The following GRHL3 variants were observed in gnomAD, a reference collection of about 807,000 sequenced individuals.
GRHL3 encodes the protein grainyhead-like protein 3 homolog.
Under a neutral mutation model 70.3 loss-of-function variants are expected in GRHL3, and 20 were observed. The ratio of observed to expected loss-of-function variants is 0.28; its 90% CI spans 0.20 to 0.41. The LOEUF (loss-of-function observed/expected upper bound fraction) is 0.41. GRHL3 is among the 10% of genes least tolerant of loss of function. GRHL3 has a pLI of 1.00. For synonymous variants in GRHL3, 299 were observed against 299.9 expected (o/e 1.00, Z 0.03); for missense variants, 637 against 762.3 (o/e 0.84, Z 1.94).
rs535901162 is a variant in GRHL3, at chr1:24,364,225, C to T, written c.1735C>T (p.Pro579Ser). 4.3e-5 allele frequency: 66 copies of T among 1,544,672 alleles called. No individual in the cohort carries two copies. The Middle Eastern group carries it at 1.0e-3, about 23-fold the overall frequency. The change falls in exon 16 of 16, where the codon CCA becomes TCA. Residue 579 changes from proline (P) to serine (S), a missense_variant. Coordinates refer to the GRHL3 transcript ENST00000350501. ...CCACCCACGCCTGTCTCGCCACCCCCCACCTGACTGTCTTGAATGTTCCCA... is the reference window on the plus strand; with the variant it reads ...CCACCCACGCCTGTCTCGCCACCCCTCACCTGACTGTCTTGAATGTTCCCA...
Position 24,322,970 on chromosome 1 carries a change from A to T in GRHL3, c.17+3402A>T. Reference sequence around the variant, plus strand: ...GGTCTCACGGAAGCACTGGGATCTTAACCGGGTCTTAGCCGAGCAGCCATA... The same window carrying T: ...GGTCTCACGGAAGCACTGGGATCTTTACCGGGTCTTAGCCGAGCAGCCATA... On this transcript the variant is annotated intron_variant, in intron 1 of 15. Coordinates refer to ENST00000361548, the MANE Select transcript of GRHL3 (RefSeq NM_198173.3). This position sits in a 1 kb window ranked among gnomAD's most constrained non-coding sequence, Gnocchi z 4.4. 1.1e-6 allele frequency: 1 copy of T among 916,994 alleles called. No homozygotes were observed. Among genetic ancestry groups the T allele is most frequent in the Non-Finnish European group, 1.7e-6 (1 of 588,964 alleles). The allele number at this position is 916,994 out of a possible 1,614,324, so 56.8% of individuals were successfully genotyped here.
At position 24,354,455 on chromosome 1, in the gene GRHL3, C is replaced by A. The variant is rs369481155; in HGVS notation, c.1776C>A (p.Asp592Glu). The A allele has an allele frequency of 6.2e-7, 1 of 1,613,574 alleles. No individual in the cohort carries two copies. Among genetic ancestry groups the A allele is most frequent in the Admixed American group, 1.7e-5 (1 of 60,022 alleles). The change falls in exon 16 of 16, where the codon GAC becomes GAA. Residue 592 changes from aspartate (D) to glutamate (E), a missense_variant. This residue lies in a region of GRHL3 where 387 missense variants were observed against 513.8 expected (regional missense o/e 0.75). Coordinates refer to ENST00000361548, the MANE Select transcript of GRHL3 (RefSeq NM_198173.3). ...TCCTGCTGGACATGGGGGAGCTGGA[C>A]GGCAAAATTCAGATCATCCTTAAGG... ...VAFLLDMGEL[D>E]GKIQIILKEL
intron 3 of GRHL3, among the ~76,000 whole-genome samples, chr1:24,336,069 T>C (rs924412830): frequency 2.0e-5 from 3 of 152,198 alleles, no homozygotes; most frequent in Admixed American, 2.0e-4. Flanking sequence ...CATGTGTTAA[T>C]TGTACTCAGA....
Position 24,321,646 on chromosome 1 carries a change from C to T in GRHL3, c.17+2078C>T, listed in dbSNP as rs977383344. 2 of 152,342 alleles carry T rather than the reference C, an allele frequency of 1.3e-5. No homozygotes were observed. Among genetic ancestry groups the T allele is most frequent in the Non-Finnish European group, 2.9e-5 (2 of 68,140 alleles). 9.4% of individuals were successfully genotyped at this position (152,342 alleles called of 1,614,324 possible). ...TGTCCTCCCTGACCCTCAGTCTGCT[C>T]ATCTGTCTGTAACACCTACCTGGCA... On this transcript the variant is annotated intron_variant, in intron 1 of 15. Coordinates refer to ENST00000361548, the MANE Select transcript of GRHL3 (RefSeq NM_198173.3). The surrounding 1 kb of genome is among the most constrained non-coding windows in gnomAD (Gnocchi z 4.0).
intron 1 of GRHL3, among the ~76,000 whole-genome samples, chr1:24,330,896 C>G (rs187489928): frequency 6.6e-6 from 1 of 152,222 alleles, no homozygotes; most frequent in Non-Finnish European, 1.5e-5. Context: ...AATGCCATTT[C>G]CCAGACCAGG....
rs751237045 is a variant in GRHL3 at position 24,339,788 on chromosome 1, A to G, written c.1047+26A>G. 2.0e-6 allele frequency: 3 copies of G among 1,520,360 alleles called. No individual in the cohort carries two copies. The African/African-American group carries it at 4.1e-5, about 21-fold the overall frequency. The allele number at this position is 1,520,360 out of a possible 1,614,324, so 94.2% of individuals were successfully genotyped here. A position where few individuals can be genotyped will look rare whatever the true frequency, so the allele number is the denominator to read the frequency against. On this transcript the variant is annotated intron_variant, in intron 8 of 15. Transcript: ENST00000361548. ...GTCAGTGCTGAGGGCAGTGGCTGGG[A>G]TGGGACTGGGCTGCCTGGAAGTCCC...
In GRHL3 at chr1:24,334,758, G is replaced by C. The variant is rs781478439; in HGVS notation, c.266+52G>C. On this transcript the variant is annotated intron_variant, in intron 3 of 15. Coordinates refer to ENST00000361548, the MANE Select transcript of GRHL3 (RefSeq NM_198173.3). The surrounding 1 kb of genome is among the most constrained non-coding windows in gnomAD (Gnocchi z 4.3). ...CTTTGCCCTTCCCCACCTCCACCTG[G>C]AGCCTCTTCCACACAGGTTTGACTT... is the stretch of plus-strand genomic sequence containing the variant. 15 of 1,468,178 alleles carry C rather than the reference G, an allele frequency of 1.0e-5. No individual in the cohort carries two copies. In the East Asian group the frequency reaches 3.2e-4, roughly 32 times the overall value. The allele number at this position is 1,468,178 out of a possible 1,614,324, so 90.9% of individuals were successfully genotyped here. A position where few individuals can be genotyped will look rare whatever the true frequency, so the allele number is the denominator to read the frequency against.
chr1:24,350,023 C>T (rs749289651), intron 14 of GRHL3, 35 bp from the exon 15 acceptor site: 3 of 1,510,512 alleles, frequency 2.0e-6, no homozygotes, highest in Admixed American at 1.7e-5. Context: ...CTAGCGTGGG[C>T]AGCAGGCAAT....
rs1181332548 is a variant in GRHL3, at chr1:24,354,503, C to T, written c.*15C>T. ...AGGAGCTGTAAGGCCTCTCGAGCAT[C>T]CAAACCCTCACGACCTGCAAGGGGC... On this transcript the variant is annotated 3_prime_UTR_variant, in exon 16 of 16. Transcript: ENST00000361548. 4 of 1,550,026 alleles carry T rather than the reference C, an allele frequency of 2.6e-6. No individual in the cohort carries two copies. The highest frequency in any genetic ancestry group is 3.3e-5 in the Admixed American group (2 of 59,836).
chr1:24,331,126 C>T (rs1182709464), intron 1 of GRHL3, among the ~76,000 whole-genome samples: 1 of 152,224 alleles, frequency 6.6e-6, no homozygotes, highest in Non-Finnish European at 1.5e-5. Context: ...TAAGTACGCA[C>T]TATGAAAGTA....
rs1479703029 is a variant in GRHL3, at chr1:24,342,033, G to A, written c.1048-82G>A. On this transcript the variant is annotated intron_variant, in intron 8 of 15. Coordinates refer to ENST00000361548, the MANE Select transcript of GRHL3 (RefSeq NM_198173.3). This position sits in a 1 kb window ranked among gnomAD's most constrained non-coding sequence, Gnocchi z 4.8. ...AGGGTGAGCAGCAGGCACACAGAAA[G>A]CTAGAAATACAGGATCACTGTGGGA... is the stretch of plus-strand genomic sequence containing the variant. 7.5e-7 allele frequency: 1 copy of A among 1,339,740 alleles called. No individual in the cohort carries two copies. The highest frequency in any genetic ancestry group is 1.0e-6 in the Non-Finnish European group (1 of 986,332). 83.0% of individuals were successfully genotyped at this position (1,339,740 alleles called of 1,614,324 possible). A position where few individuals can be genotyped will look rare whatever the true frequency, so the allele number is the denominator to read the frequency against.
Position 24,336,814 on chromosome 1 carries a change from A to G in GRHL3, c.599A>G (p.Asp200Gly), listed in dbSNP as rs1639835290. 4 of 1,605,236 alleles carry G rather than the reference A, an allele frequency of 2.5e-6. No individual in the cohort carries two copies. The highest frequency in any genetic ancestry group is 2.7e-5 in the African/African-American group (2 of 74,798). The stretch of plus-strand genomic sequence containing the variant: ...TGGCAGCCAGACAGCACCTTCAAAG[A>G]TGACCCACAGGAGGTGAGGGCGCAT... ...QRWQPDSTFKDDPQESMLFPD... is the reference protein window; with the variant it reads ...QRWQPDSTFKGDPQESMLFPD... Residue 200 changes from aspartate (D) to glycine (G), a missense_variant, in exon 4 of 16, where the codon GAT (aspartate) becomes GGT (glycine). Physicochemically the swap from Asp to Gly is moderately conservative, Grantham distance 94. Around this residue, in one of 2 missense-constraint regions of GRHL3, gnomAD observed 250 missense variants for 248.6 expected, o/e 1.01. Transcript: ENST00000361548.
At chr1:24,362,738 C>T (rs907908812) in intron 15 of GRHL3, among the ~76,000 whole-genome samples, 2 of 152,254 alleles carry the variant, frequency 1.3e-5, no homozygotes, top group African/African-American at 2.4e-5. Context: ...CAGGGGACAC[C>T]CCCCTGGTCA....
At chr1:24,332,289 C>T (rs1639643094) in intron 2 of GRHL3, among the ~76,000 whole-genome samples, 1 of 152,188 alleles carries the variant, frequency 6.6e-6, no homozygotes, top group Admixed American at 6.5e-5. Context: ...TACTGTCTTT[C>T]CTACTCCAGC....
downstream of GRHL3, among the ~76,000 whole-genome samples, chr1:24,356,238 T>A (rs1465781644): frequency 6.7e-6 from 1 of 149,786 alleles, no homozygotes; most frequent in East Asian, 2.0e-4. Flanking sequence ...CATTGCCTCA[T>A]TTATCTTTTT....
chr1:24,334,749 C>A lies in GRHL3; in HGVS notation c.266+43C>A. 6.5e-7 allele frequency: 1 copy of A among 1,527,948 alleles called. No homozygotes were observed. Among genetic ancestry groups the A allele is most frequent in the Non-Finnish European group, 9.0e-7 (1 of 1,109,294 alleles). 94.6% of individuals were successfully genotyped at this position (1,527,948 alleles called of 1,614,324 possible). A position where few individuals can be genotyped will look rare whatever the true frequency, so the allele number is the denominator to read the frequency against. ...CCTCTGCCTCTTTGCCCTTCCCCAC[C>A]TCCACCTGGAGCCTCTTCCACACAG... On this transcript the variant is annotated intron_variant, in intron 3 of 15. Coordinates refer to ENST00000361548, the MANE Select transcript of GRHL3 (RefSeq NM_198173.3). This position sits in a 1 kb window ranked among gnomAD's most constrained non-coding sequence, Gnocchi z 4.3.
intron 2 of GRHL3, 53 bp downstream of exon 2, chr1:24,331,665 C>A: frequency 6.6e-7 from 1 of 1,507,326 alleles, no homozygotes; most frequent in East Asian, 2.3e-5. Flanking sequence ...GGTGTCTTCA[C>A]TTCAGGCCTC....
At chr1:24,364,332 C>G in exon 16 of GRHL3, 2 of 1,549,236 alleles carry the variant, frequency 1.3e-6, no homozygotes, top group African/African-American at 2.7e-5. Flanking sequence ...CCAGCCCCAC[C>G]ACCGTCAACA....
At chr1:24,358,693 A>G (rs559119091), downstream of GRHL3, 528 of 1,222,948 alleles carry the variant, frequency 4.3e-4, 5 homozygotes, top group South Asian at 3.6e-3. Flanking sequence ...ATTCTACCTC[A>G]GAGCTGGAAA....
Sources: gnomAD v4.1 joint callset for allele counts (sites outside exome capture counted in the v4.1 genomes callset) on GRCh38, gnomAD v4.1.1 for gene constraint, gnomAD v4.1.1 regional missense constraint, Gnocchi (gnomAD v3.1) non-coding constraint, MANE v1.5 for transcripts, NCBI Gene and HGNC (gene_info 2026-07-23, HGNC 2026-07-21) for gene names.